The following INTS4 variants were observed in gnomAD, a reference collection of about 807,000 sequenced individuals.
INTS4 encodes the protein integrator complex subunit 4, also known as MSTP093.
Under a neutral mutation model 119.5 loss-of-function variants are expected in INTS4, and 70 were observed. The observed-to-expected ratio is 0.59, with a 90% CI of 0.48 to 0.71. The LOEUF (loss-of-function observed/expected upper bound fraction) is 0.71. INTS4 is among the 30% of genes least tolerant of loss of function. The pLI, the probability that INTS4 is intolerant of heterozygous loss-of-function variation, is 0.00. For missense variants in INTS4, 867 were observed against 1,173.2 expected (o/e 0.74, Z 3.81); for synonymous variants, 316 against 419.6 (o/e 0.75, Z 3.02).
intron 4 of INTS4, among the ~76,000 whole-genome samples, chr11:77,971,731 C>G (rs756715873): frequency 5.5e-4 from 84 of 152,204 alleles, no homozygotes; most frequent in Non-Finnish European, 9.7e-4. Context: ...GTCTTTTCAC[C>G]TTCTTGGGTC....
chr11:77,969,279 A>G (rs769240964), intron 4 of INTS4, among the ~76,000 whole-genome samples: 4 of 152,160 alleles, frequency 2.6e-5, no homozygotes, highest in Non-Finnish European at 4.4e-5. Flanking sequence ...TAATACACAT[A>G]CCATGCAATT....
chr11:77,903,426 A>G (rs553438625), intron 17 of INTS4, 114 bp downstream of exon 17: 4 of 1,608,310 alleles, frequency 2.5e-6, no homozygotes, highest in East Asian at 2.2e-5. Flanking sequence ...ACATGCCACA[A>G]CTTTTCCTGC....
intron 8 of INTS4, among the ~76,000 whole-genome samples, chr11:77,946,206 T>C (rs1432175038): frequency 2.0e-5 from 3 of 152,116 alleles, no homozygotes; most frequent in Admixed American, 2.0e-4. Context: ...CAAACATCAA[T>C]GACTAGGATT....
chr11:77,912,002 T>C (rs1953097529), intron 15 of INTS4, among the ~76,000 whole-genome samples: 1 of 152,144 alleles, frequency 6.6e-6, no homozygotes, highest in Non-Finnish European at 1.5e-5. Flanking sequence ...ATTTATTTAT[T>C]TGCTATTAAA....
At chr11:77,958,105 T>TA (rs1954376198) in intron 7 of INTS4, among the ~76,000 whole-genome samples, 1 of 152,182 alleles carries the variant, frequency 6.6e-6, no homozygotes, top group African/African-American at 2.4e-5. Context: ...AAATGGAGCC[T>TA]ACTCCTACAG....
rs368202174 is a variant in INTS4 at position 77,991,062 on chromosome 11, A to G, written c.246+46T>C. The G allele has an allele frequency of 3.4e-4, 523 of 1,518,704 alleles. 1 individual carries two copies. The highest frequency in any genetic ancestry group is 4.6e-4 in the Non-Finnish European group (510 of 1,099,008). 94.1% of individuals were successfully genotyped at this position (1,518,704 alleles called of 1,614,324 possible). ...ATATTAACCATTCTGCAGACATGATACAACTCCCATGATATACTCCCATCA... is the reference window on the plus strand; with the variant it reads ...ATATTAACCATTCTGCAGACATGATGCAACTCCCATGATATACTCCCATCA... On this transcript the variant is annotated intron_variant, in intron 2 of 22. Transcript: ENST00000534064.
At chr11:77,937,406 G>A (rs1213290724) in intron 10 of INTS4, among the ~76,000 whole-genome samples, 1 of 152,044 alleles carries the variant, frequency 6.6e-6, no homozygotes, top group Non-Finnish European at 1.5e-5. Flanking sequence ...AGATAAAAAC[G>A]ACAGCAGATT....
At chr11:77,921,209 T>C (rs1953352863) in intron 14 of INTS4, 131 bp downstream of exon 14, 2 of 766,054 alleles carry the variant, frequency 2.6e-6, no homozygotes, top group Non-Finnish European at 4.3e-6. Flanking sequence ...GCCAGGAGGA[T>C]GGCTTAAGCC....
Position 77,921,452 on chromosome 11 carries a change from A to G in INTS4, c.1652T>C (p.Ile551Thr). Residue 551 changes from isoleucine (I) to threonine (T), a missense_variant, in exon 14 of 23, where the codon ATT (isoleucine) becomes ACT (threonine). Ile to Thr is a moderately conservative substitution (Grantham distance 89, BLOSUM62 -1). Coordinates refer to ENST00000534064, the MANE Select transcript of INTS4 (RefSeq NM_033547.4). ...TGGACAGGTTTTAGCAGCATTGAAA[A>G]TAAGTACCAAAACTGCAATATCTGA... is the stretch of plus-strand genomic sequence containing the variant. ...DPAYIAVLVL[I>T]FNAAKTCPTM... The G allele has an allele frequency of 1.2e-6, 2 of 1,608,248 alleles. No homozygotes were observed. Among genetic ancestry groups the G allele is most frequent in the South Asian group, 1.1e-5 (1 of 90,942 alleles).
At position 77,963,126 on chromosome 11, in the gene INTS4, A is replaced by T. The variant is rs560982014; in HGVS notation, c.472-1988T>A. On this transcript the variant is annotated intron_variant, in intron 4 of 22. Coordinates refer to ENST00000534064, the MANE Select transcript of INTS4 (RefSeq NM_033547.4). ...TTGCACCTCTGTTACAAACACTTTG[A>T]TTTTCAAGCAATAAACTAAATACTT... Among the ~76,000 whole-genome samples the T allele has an allele frequency of 3.9e-5, 6 of 152,250 alleles. No homozygotes were observed. The South Asian group carries it at 1.2e-3, about 32-fold the overall frequency.
chr11:77,934,517 T>C (rs1953744442), intron 10 of INTS4, among the ~76,000 whole-genome samples: 1 of 151,286 alleles, frequency 6.6e-6, no homozygotes, highest in African/African-American at 2.4e-5. Flanking sequence ...GTTGGAGAGG[T>C]GGGATTACGG....
At position 77,947,611 on chromosome 11, in the gene INTS4, C is replaced by G. The variant is rs570376581; in HGVS notation, c.919-6360G>C. Among the ~76,000 whole-genome samples the G allele has an allele frequency of 2.8e-4, 43 of 152,130 alleles. No homozygotes were observed. In the South Asian group the frequency reaches 7.1e-3, roughly 25 times the overall value. Reference sequence around the variant, plus strand: ...AACTCATAAATCAAACAGATCAAACCCCAGTGATACAATATGTCATATAAA... The same window carrying G: ...AACTCATAAATCAAACAGATCAAACGCCAGTGATACAATATGTCATATAAA... On this transcript the variant is annotated intron_variant, in intron 8 of 22. Transcript: ENST00000534064.
intron 5 of INTS4, 22 bp from the exon 6 acceptor site, chr11:77,960,413 T>A: frequency 6.5e-7 from 1 of 1,529,214 alleles, no homozygotes; most frequent in Non-Finnish European, 9.0e-7. Flanking sequence ...ATATATAGTT[T>A]AAGTGCTTGG....
chr11:77,956,950 T>C (rs1192336662), intron 7 of INTS4, among the ~76,000 whole-genome samples: 1 of 152,094 alleles, frequency 6.6e-6, no homozygotes, highest in African/African-American at 2.4e-5. Context: ...ATGCTTTTTT[T>C]TGAGACAGGG....
In INTS4 at chr11:77,907,754, G is replaced by A; in HGVS notation, c.1979C>T (p.Ser660Phe). 1 of 1,613,938 alleles carries A rather than the reference G, an allele frequency of 6.2e-7. No homozygotes were observed. Among genetic ancestry groups the A allele is most frequent in the Non-Finnish European group, 8.5e-7 (1 of 1,179,876 alleles). The change falls in exon 16 of 23, where the codon TCT becomes TTT. Residue 660 changes from serine (S) to phenylalanine (F), a missense_variant. By Grantham distance (155) the Ser-to-Phe change is radical. Around this residue, in one of 5 missense-constraint regions of INTS4, gnomAD observed 262 missense variants for 376.0 expected, o/e 0.70. Transcript: ENST00000534064. ...TAGTTGACAGCGAAGATAGGTGGCA[G>A]AGAAATCAGCTACTCCTGCCAATTC... The part of the protein sequence containing the change: ...QSELAGVADF[S>F]ATYLRCQLLL...
At chr11:77,981,651 A>G in intron 2 of INTS4, 75 bp from the exon 3 acceptor site, 1 of 665,120 alleles carries the variant, frequency 1.5e-6, no homozygotes, top group Non-Finnish European at 2.5e-6. Flanking sequence ...TGGAAAACTA[A>G]CATCCCAAAA....
intron 14 of INTS4, among the ~76,000 whole-genome samples, chr11:77,920,174 T>C (rs372977846): frequency 3.0e-4 from 13 of 42,624 alleles, no homozygotes; most frequent in African/African-American, 6.0e-4. Context: ...TATATATACA[T>C]ATACATATAC....
chr11:77,919,409 C>T (rs2136474978), intron 14 of INTS4, among the ~76,000 whole-genome samples: 1 of 152,164 alleles, frequency 6.6e-6, no homozygotes, highest in Admixed American at 6.5e-5. Flanking sequence ...GCCTCAGCCT[C>T]CTGAGTAGCT....
intron 7 of INTS4, among the ~76,000 whole-genome samples, chr11:77,957,284 C>T (rs2136572779): frequency 6.6e-6 from 1 of 151,986 alleles, no homozygotes; most frequent in South Asian, 2.1e-4. Flanking sequence ...AAGGTTCAGC[C>T]AGGCGTGTAA....
Sources: allele counts gnomAD v4.1 joint callset (sites outside exome capture counted in the v4.1 genomes callset), GRCh38; gene constraint gnomAD v4.1.1; regional missense constraint gnomAD v4.1.1; transcripts MANE v1.5; gene names NCBI Gene and HGNC (gene_info 2026-07-23, HGNC 2026-07-21).